Variants in CTNNA2 observed in about 807,000 individuals in gnomAD.
CTNNA2 encodes catenin alpha-2.
A neutral mutation model predicts 101.0 loss-of-function variants in CTNNA2; 42 were observed. The ratio of observed to expected loss-of-function variants is 0.42; its 90% CI spans 0.32 to 0.54. CTNNA2 has a LOEUF of 0.54. Among genes scored for constraint, CTNNA2 ranks in the 20% least tolerant of loss-of-function variants. The probability of loss-of-function intolerance (pLI) is 0.14; values close to 1 mark genes in which losing one functional copy is unlikely to be tolerated. For missense variants in CTNNA2, 871 were observed against 1,223.1 expected (o/e 0.71, Z 4.29); for synonymous variants, 450 against 456.4 (o/e 0.99, Z 0.18).
At chr2:79,906,293 T>TACAC (rs35256196) in intron 6 of CTNNA2, among the ~76,000 whole-genome samples, 29 of 149,886 alleles carry the variant, frequency 1.9e-4, no homozygotes, top group Admixed American at 4.7e-4. Context: ...TCATCCGGGA[T>TACAC]ACACACACAC....
chr2:79,801,059 T>G (rs750631802), intron 3 of CTNNA2, among the ~76,000 whole-genome samples: 2 of 152,194 alleles, frequency 1.3e-5, no homozygotes, highest in Non-Finnish European at 2.9e-5. Flanking sequence ...GTAATAGTAG[T>G]TTATGTACTA....
chr2:79,687,530 G>T (rs760542367), intron 2 of CTNNA2: 115 of 688,630 alleles, frequency 1.7e-4, no homozygotes, highest in Non-Finnish European at 2.8e-4. Flanking sequence ...GAATCCACCA[G>T]AACTGAATAC....
upstream of CTNNA2, among the ~76,000 whole-genome samples, chr2:79,512,560 C>T (rs1252301462): frequency 6.6e-6 from 1 of 151,820 alleles, no homozygotes; most frequent in African/African-American, 2.4e-5. Context: ...CTGCGACACC[C>T]CTATCCCCCC....
At chr2:79,555,228 C>T (rs1262708995) in intron 1 of CTNNA2, among the ~76,000 whole-genome samples, 1 of 152,084 alleles carries the variant, frequency 6.6e-6, no homozygotes, top group Non-Finnish European at 1.5e-5. Flanking sequence ...TTACTCTTGC[C>T]TTTTCAAAAG....
At chr2:79,916,577 C>CTTTT (rs35271371) in intron 7 of CTNNA2, among the ~76,000 whole-genome samples, 1,137 of 37,848 alleles carry the variant, frequency 0.03, 227 homozygotes, top group East Asian at 0.13. Flanking sequence ...CTCCCTTCTC[C>CTTTT]TTTTTTTTTT....
intron 2 of CTNNA2, among the ~76,000 whole-genome samples, chr2:79,285,005 A>G (rs1393284979): frequency 1.7e-5 from 2 of 114,814 alleles, no homozygotes; most frequent in Admixed American, 8.9e-5. Context: ...GTATGTGTCG[A>G]GGAATTTATC....
intron 11 of CTNNA2, among the ~76,000 whole-genome samples, chr2:80,552,950 G>T (rs1252341194): frequency 6.6e-6 from 1 of 151,722 alleles, no homozygotes; most frequent in African/African-American, 2.4e-5. Context: ...GGCCTAGTGG[G>T]TCATGCCTGT....
At chr2:79,449,055 A>C (rs1420771061) in intron 4 of CTNNA2, among the ~76,000 whole-genome samples, 1 of 152,002 alleles carries the variant, frequency 6.6e-6, no homozygotes, top group Non-Finnish European at 1.5e-5. Context: ...GTTGGCCCTC[A>C]AGATAGTTCC....
chr2:80,318,818 G>T (rs115350589), intron 7 of CTNNA2, among the ~76,000 whole-genome samples: 1 of 152,064 alleles, frequency 6.6e-6, no homozygotes, highest in Non-Finnish European at 1.5e-5. Flanking sequence ...TTCCAAGCCC[G>T]TAGAGCAATG....
chr2:79,973,107 A>C (rs1255065006), intron 7 of CTNNA2, among the ~76,000 whole-genome samples: 1 of 152,162 alleles, frequency 6.6e-6, no homozygotes, highest in Non-Finnish European at 1.5e-5. Flanking sequence ...CCCTGAAATA[A>C]ATTCTCTATT....
At chr2:80,322,945 T>C (rs914264120) in intron 7 of CTNNA2, among the ~76,000 whole-genome samples, 3 of 152,180 alleles carry the variant, frequency 2.0e-5, no homozygotes, top group Non-Finnish European at 4.4e-5. Context: ...CAGGCATCAC[T>C]GAAGGGTATG....
chr2:79,303,874 C>T (rs976984874), intron 2 of CTNNA2, among the ~76,000 whole-genome samples: 4 of 151,632 alleles, frequency 2.6e-5, no homozygotes, highest in East Asian at 3.9e-4. Context: ...AGAGAGAGAG[C>T]GAGAAAGATA....
At chr2:79,734,263 A>G (rs957029744) in intron 2 of CTNNA2, among the ~76,000 whole-genome samples, 1 of 152,094 alleles carries the variant, frequency 6.6e-6, no homozygotes, top group Non-Finnish European at 1.5e-5. Context: ...TCACTTTTCA[A>G]TGGCTGTAAG....
chr2:80,306,973 A>G (rs1260348989), intron 7 of CTNNA2, among the ~76,000 whole-genome samples: 1 of 151,748 alleles, frequency 6.6e-6, no homozygotes, highest in East Asian at 1.9e-4. Context: ...ACTGATTTAT[A>G]TGTGAGTTTT....
At chr2:80,507,562 T>G (rs1688373426) in intron 9 of CTNNA2, among the ~76,000 whole-genome samples, 1 of 152,172 alleles carries the variant, frequency 6.6e-6, no homozygotes, top group Admixed American at 6.5e-5. Context: ...GTGCTAATTT[T>G]TTCTTTATTG....
intron 2 of CTNNA2, among the ~76,000 whole-genome samples, chr2:79,739,044 A>G (rs1671095694): frequency 6.8e-6 from 1 of 147,956 alleles, no homozygotes; most frequent in Non-Finnish European, 1.5e-5. Flanking sequence ...TGCTATTACT[A>G]CCAGTTTTTG....
intron 3 of CTNNA2, among the ~76,000 whole-genome samples, chr2:79,336,372 C>T (rs1676994940): frequency 6.6e-6 from 1 of 152,098 alleles, no homozygotes; most frequent in Non-Finnish European, 1.5e-5. Flanking sequence ...AGTTAAGAGT[C>T]CCCCACTGAG....
intron 9 of CTNNA2, among the ~76,000 whole-genome samples, chr2:80,510,422 T>C (rs539877490): frequency 6.6e-6 from 1 of 152,330 alleles, no homozygotes; most frequent in East Asian, 1.9e-4. Flanking sequence ...GAGACCATCT[T>C]GCACCTTGTA....
At chr2:79,623,414 A>C (rs988944351) in intron 1 of CTNNA2, among the ~76,000 whole-genome samples, 2 of 152,164 alleles carry the variant, frequency 1.3e-5, no homozygotes, top group African/African-American at 4.8e-5. Flanking sequence ...CAGCCACACT[A>C]ATCAGCTATT....
Sources: gnomAD v4.1 joint callset for allele counts (sites outside exome capture counted in the v4.1 genomes callset) on GRCh38, gnomAD v4.1.1 for gene constraint, MANE v1.5 for transcripts, NCBI Gene and HGNC (gene_info 2026-07-23, HGNC 2026-07-21) for gene names.